Variants in PM20D2 observed in about 807,000 individuals in gnomAD.
PM20D2 encodes peptidase M20 domain containing 2.
In PM20D2, 33 loss-of-function variants were observed where a neutral mutation model predicts 42.9. The ratio of observed to expected loss-of-function variants is 0.77; its 90% CI spans 0.58 to 1.03. PM20D2 has a LOEUF of 1.03. PM20D2 is among the 50% of genes least tolerant of loss of function. PM20D2 has a pLI of 0.00. For missense variants in PM20D2, 548 were observed against 557.0 expected, an observed-to-expected ratio of 0.98 and a Z score of 0.16; for synonymous variants, 250 against 228.2, an observed-to-expected ratio of 1.10 and a Z score of -0.86.
the PM20D2 span, among the ~76,000 whole-genome samples, chr6:89,108,358 G>A: frequency 6.6e-6 from 1 of 152,300 alleles, no homozygotes; most frequent in Admixed American, 6.5e-5. Flanking sequence ...GACAGATTAT[G>A]GGTGATACAG....
chr6:89,104,555 C>CT, the PM20D2 span, among the ~76,000 whole-genome samples: 1 of 150,672 alleles, frequency 6.6e-6, no homozygotes, highest in Non-Finnish European at 1.5e-5. Context: ...TTTTTTTTTA[C>CT]TTTTTTTTTC....
At chr6:89,136,504 C>T in the PM20D2 span, among the ~76,000 whole-genome samples, 2 of 150,548 alleles carry the variant, frequency 1.3e-5, no homozygotes, top group East Asian at 1.9e-4. Context: ...GGTGAAACCC[C>T]GTCTCTACTA....
chr6:89,147,624 T>C, intron 1 of PM20D2, among the ~76,000 whole-genome samples: 1 of 151,782 alleles, frequency 6.6e-6, no homozygotes, highest in East Asian at 1.9e-4. Context: ...TCGTATTTAA[T>C]GAGTTAAGGG....
In PM20D2 at chr6:89,149,470, T is replaced by C. The variant is rs1288824139; in HGVS notation, c.614+57T>C. On this transcript the variant is annotated intron_variant, in intron 2 of 6. Transcript: ENST00000275072. ...GGGGAACACAGGCTATAGAATACTT[T>C]TATGTCTAAACCAGAGACGAAAACT... 1.2e-5 allele frequency: 19 copies of C among 1,567,826 alleles called. No homozygotes were observed. In the East Asian group the frequency reaches 4.3e-4, roughly 35 times the overall value.
the PM20D2 span, among the ~76,000 whole-genome samples, chr6:89,132,491 A>G: frequency 9.9e-5 from 15 of 151,360 alleles, no homozygotes; most frequent in African/African-American, 3.7e-4. Context: ...AAAAACAGAA[A>G]TGAATTCTTT....
the PM20D2 span, among the ~76,000 whole-genome samples, chr6:89,118,270 G>C: frequency 1.3e-5 from 2 of 152,274 alleles, no homozygotes; most frequent in East Asian, 3.9e-4. Flanking sequence ...TTGAGGCCGC[G>C]GCGGGGACGC....
the PM20D2 span, among the ~76,000 whole-genome samples, chr6:89,108,848 G>A: frequency 3.3e-5 from 5 of 152,052 alleles, no homozygotes; most frequent in Admixed American, 6.6e-5. Context: ...GCTAGAGATG[G>A]GGATTTAGAA....
chr6:89,126,852 G>A, the PM20D2 span, among the ~76,000 whole-genome samples: 3 of 152,044 alleles, frequency 2.0e-5, no homozygotes, highest in Non-Finnish European at 4.4e-5. Context: ...AGGGAAAAAT[G>A]TACACAATGA....
chr6:89,099,474 A>ATATATACACATATATGTGTG, the PM20D2 span, among the ~76,000 whole-genome samples: 1 of 145,996 alleles, frequency 6.8e-6, no homozygotes, highest in Non-Finnish European at 1.5e-5. Flanking sequence ...GTGTGTGTAT[A>ATATATACACATATATGTGTG]TATATATGTG....
chr6:89,121,105 G>A, the PM20D2 span, among the ~76,000 whole-genome samples: 30 of 152,200 alleles, frequency 2.0e-4, no homozygotes, highest in Admixed American at 4.6e-4. Flanking sequence ...TAGCATGCAT[G>A]TATGGATAGG....
At position 89,146,101 on chromosome 6, in the gene PM20D2, A is replaced by G; in HGVS notation, c.-44A>G. The G allele has an allele frequency of 2.9e-6, 4 of 1,372,966 alleles. No individual in the cohort carries two copies. Among genetic ancestry groups the G allele is most frequent in the Non-Finnish European group, 3.8e-6 (4 of 1,066,476 alleles). 85.0% of individuals were successfully genotyped at this position (1,372,966 alleles called of 1,614,324 possible). ...CGCGGGCGGTCGCTACCTGCGGCCG[A>G]GCCAGGGAGCGAGAGGGCGCAGAGG... On this transcript the variant is annotated 5_prime_UTR_variant, in exon 1 of 7. Coordinates refer to ENST00000275072, the MANE Select transcript of PM20D2 (RefSeq NM_001010853.3).
chr6:89,111,099 T>C, the PM20D2 span, among the ~76,000 whole-genome samples: 2 of 149,124 alleles, frequency 1.3e-5, no homozygotes, highest in Non-Finnish European at 3.0e-5. Flanking sequence ...GAAGACAGGG[T>C]GAGACTTGTC....
chr6:89,098,045 T>C, the PM20D2 span: 1 of 152,400 alleles, frequency 6.6e-6, no homozygotes, highest in Non-Finnish European at 1.5e-5. Context: ...TTTGAATGTT[T>C]GATCTCTATA....
chr6:89,133,289 C>T, the PM20D2 span, among the ~76,000 whole-genome samples: 1 of 150,866 alleles, frequency 6.6e-6, no homozygotes, highest in East Asian at 1.9e-4. Context: ...TACTTGTGTT[C>T]AAAATGACAT....
chr6:89,161,805 T>A lies in PM20D2; in HGVS notation c.1071T>A (p.Val357=), dbSNP rs138766215. Residue 357 remains valine (V), a synonymous_variant, in exon 6 of 7, where the codon GTT becomes GTA. Transcript: ENST00000275072. ...GPSGSTDFGN[V]SFVVPGIHPY... is the part of the protein sequence containing the mutation. ...AAGGATCTACGGATTTTGGAAATGT[T>A]AGTTTTGTGGTTCCTGGAATTCATC... The A allele has an allele frequency of 2.7e-4, 428 of 1,612,474 alleles. 2 individuals are homozygous for A. The African/African-American group carries it at 5.2e-3, about 20-fold the overall frequency.
chr6:89,124,097 A>G, the PM20D2 span, among the ~76,000 whole-genome samples: 2 of 152,224 alleles, frequency 1.3e-5, no homozygotes, highest in African/African-American at 4.8e-5. Context: ...TTGTCTGCGC[A>G]GGCTCCAAGC....
At chr6:89,099,434 A>ATACACACATATATATGTGTG in the PM20D2 span, among the ~76,000 whole-genome samples, 1 of 133,872 alleles carries the variant, frequency 7.5e-6, no homozygotes, top group African/African-American at 2.7e-5. Flanking sequence ...ATGTGTGTAT[A>ATACACACATATATATGTGTG]TATATACACA....
intron 4 of PM20D2, among the ~76,000 whole-genome samples, chr6:89,156,222 C>T (rs1360078734): frequency 6.6e-6 from 1 of 152,098 alleles, no homozygotes; most frequent in Non-Finnish European, 1.5e-5. Flanking sequence ...TATTTAAAAT[C>T]ATGTACTGTG....
At chr6:89,160,915 T>C (rs1219912850) in intron 5 of PM20D2, among the ~76,000 whole-genome samples, 1 of 151,872 alleles carries the variant, frequency 6.6e-6, no homozygotes, top group Non-Finnish European at 1.5e-5. Flanking sequence ...ATGGTGAGTG[T>C]CTAGAGCGGC....
Sources: gnomAD v4.1 joint callset for allele counts (sites outside exome capture counted in the v4.1 genomes callset) on GRCh38, gnomAD v4.1.1 for gene constraint, MANE v1.5 for transcripts, NCBI Gene and HGNC (gene_info 2026-07-23, HGNC 2026-07-21) for gene names.